DNAJC13: variants seen among roughly 807,000 people sequenced by gnomAD.
The protein encoded by DNAJC13 is DnaJ heat shock protein family (Hsp40) member C13.
DNAJC13 carries 75 observed loss-of-function variants against 290.5 expected under a neutral mutation model. The ratio of observed to expected loss-of-function variants is 0.26; its 90% CI spans 0.21 to 0.31. The LOEUF (loss-of-function observed/expected upper bound fraction) is 0.31, where lower values mean the gene tolerates loss of function less well. Ranked by LOEUF, DNAJC13 falls within the 10% of genes least tolerant of loss-of-function variation. The pLI is 1.00. For missense variants in DNAJC13, 2,260 were observed against 2,674.5 expected (o/e 0.85, Z 3.42); for synonymous variants, 862 against 892.0 (o/e 0.97, Z 0.60).
chr3:132,494,203 T>A lies in DNAJC13; in HGVS notation c.3885T>A (p.Pro1295=). ...AGAAAGAAGTAGAAAAGAAGCCACC[T>A]ATGATGTCAATAGATGATGCTTATG... The part of the protein sequence containing the change: ...AWKKEVEKKP[P]MMSIDDAYEV... Residue 1295 remains proline (P), a synonymous_variant, in exon 34 of 56, where the codon CCT becomes CCA. Coordinates refer to ENST00000260818, the MANE Select transcript of DNAJC13 (RefSeq NM_015268.4). 2 of 1,613,226 alleles carry A rather than the reference T, an allele frequency of 1.2e-6. No homozygotes were observed. The highest frequency in any genetic ancestry group is 1.7e-6 in the Non-Finnish European group (2 of 1,179,578).
Position 132,522,922 on chromosome 3 carries a change from A to G in DNAJC13, c.5768A>G (p.His1923Arg), listed in dbSNP as rs1936135644. The G allele has an allele frequency of 6.2e-7, 1 of 1,613,518 alleles. No individual in the cohort carries two copies. Among genetic ancestry groups the G allele is most frequent in the African/African-American group, 1.3e-5 (1 of 74,916 alleles). ...EAAVHIFEGTHENPELIWNDN... is the reference protein window; with the variant it reads ...EAAVHIFEGTRENPELIWNDN... The stretch of plus-strand genomic sequence containing the variant: ...GCTGTACATATTTTTGAAGGAACTC[A>G]TGAAAATCCTGAGTTAATTTGGAAT... The change falls in exon 49 of 56, where the codon CAT becomes CGT. Residue 1923 changes from histidine to arginine, a missense_variant. Coordinates refer to ENST00000260818, the MANE Select transcript of DNAJC13 (RefSeq NM_015268.4).
intron 20 of DNAJC13, among the ~76,000 whole-genome samples, chr3:132,470,155 C>T (rs1207981675): frequency 1.2e-5 from 1 of 85,948 alleles, no homozygotes; most frequent in African/African-American, 4.8e-5. Context: ...GTTTGTGTCC[C>T]TGATTACTTG....
chr3:132,470,963 G>A (rs1345740381), intron 20 of DNAJC13, among the ~76,000 whole-genome samples: 30 of 123,308 alleles, frequency 2.4e-4, no homozygotes, highest in African/African-American at 8.4e-4. Context: ...CAGTAGGGGC[G>A]GCCGGGCAGA....
At chr3:132,523,501 T>G in intron 50 of DNAJC13, 39 bp from the exon 51 acceptor site, 2 of 1,592,680 alleles carry the variant, frequency 1.3e-6, no homozygotes, top group Non-Finnish European at 1.7e-6. Context: ...GCTTCAAGAT[T>G]ATTAAGTGAC....
intron 44 of DNAJC13, 116 bp downstream of exon 44, chr3:132,511,360 A>T: frequency 8.3e-7 from 1 of 1,205,810 alleles, no homozygotes; most frequent in South Asian, 1.6e-5. Flanking sequence ...ATAATGTATT[A>T]ATATAACATT....
At chr3:132,532,665 G>A (rs1197619336) in intron 55 of DNAJC13, among the ~76,000 whole-genome samples, 4 of 151,472 alleles carry the variant, frequency 2.6e-5, no homozygotes, top group Admixed American at 2.6e-4. Flanking sequence ...CACATACCAC[G>A]TTTTCATGGC....
rs148911667 is a variant in DNAJC13, at chr3:132,434,272, G to C, written c.-13-266G>C. ...GTGGTGGCAGGAACCTGTAGTCCCA[G>C]CTACTTGGGAGGCTGACGCAGGAGA... On this transcript the variant is annotated intron_variant, in intron 1 of 55. Coordinates refer to ENST00000260818, the MANE Select transcript of DNAJC13 (RefSeq NM_015268.4). 0.016 allele frequency among the ~76,000 whole-genome samples: 2,428 copies of C among 151,084 alleles called. 73 individuals are homozygous for C. Among genetic ancestry groups the C allele is most frequent in the African/African-American group, 0.056 (2,296 of 41,078 alleles).
intron 48 of DNAJC13, among the ~76,000 whole-genome samples, chr3:132,518,737 G>T (rs1413441487): frequency 6.6e-6 from 1 of 152,036 alleles, no homozygotes; most frequent in Non-Finnish European, 1.5e-5. Context: ...CATATCTAGT[G>T]TACAATTCAG....
At chr3:132,500,732 T>G in intron 38 of DNAJC13, 62 bp from the exon 39 acceptor site, 3 of 1,598,856 alleles carry the variant, frequency 1.9e-6, no homozygotes, top group Non-Finnish European at 2.6e-6. Context: ...GATTTCTATG[T>G]GTTAAATAAG....
At chr3:132,483,663 A>T in intron 28 of DNAJC13, 86 bp downstream of exon 28, 2 of 1,359,732 alleles carry the variant, frequency 1.5e-6, no homozygotes, top group Non-Finnish European at 2.1e-6. Flanking sequence ...TAAAACAAAG[A>T]TGTCCTATTT....
chr3:132,496,655 A>T lies in DNAJC13; in HGVS notation c.4148A>T (p.His1383Leu). The T allele has an allele frequency of 1.2e-6, 2 of 1,606,936 alleles. No homozygotes were observed. The highest frequency in any genetic ancestry group is 2.7e-5 in the African/African-American group (2 of 74,714). ...ACACAGAGCATCCTCTTCAACCGTC[A>T]TAAAGAAGGTAAGATGTCTGTTCTC... ...LKTQSILFNRHKEDLQPYKYA... is the reference protein window; with the variant it reads ...LKTQSILFNRLKEDLQPYKYA... The change falls in exon 36 of 56, where the codon CAT becomes CTT. Residue 1383 changes from histidine (H) to leucine (L), a missense_variant. By Grantham distance (99) the His-to-Leu change is moderately conservative. This residue lies in a region of DNAJC13 where 1,494 missense variants were observed against 1,693.7 expected (regional missense o/e 0.88). Coordinates refer to ENST00000260818, the MANE Select transcript of DNAJC13 (RefSeq NM_015268.4).
At chr3:132,453,937 A>G (rs1933502877) in intron 8 of DNAJC13, 129 bp from the exon 9 acceptor site, 2 of 818,008 alleles carry the variant, frequency 2.4e-6, no homozygotes, top group African/African-American at 3.5e-5. Context: ...AAAGTTTTAA[A>G]CTCTTATATT....
chr3:132,514,101 C>G (rs2107734724), intron 45 of DNAJC13, among the ~76,000 whole-genome samples: 1 of 152,234 alleles, frequency 6.6e-6, no homozygotes, highest in East Asian at 1.9e-4. Flanking sequence ...ATATGTTGCA[C>G]TGAGACGCTG....
chr3:132,484,592 C>G lies in DNAJC13; in HGVS notation c.3187C>G (p.Gln1063Glu), dbSNP rs1210700556. ...ACGTGAGAAAATGTTTTCTAGGGAT[C>G]AAGACAATGCCATCATTCGGCCTCT... is the stretch of plus-strand genomic sequence containing the variant. ...TMCGYFPSRD[Q>E]DNAIIRPLPK... The change falls in exon 29 of 56, where the codon CAA becomes GAA. Residue 1063 changes from glutamine (Q) to glutamate (E), a missense_variant. This residue lies in a region of DNAJC13 where 1,494 missense variants were observed against 1,693.7 expected (regional missense o/e 0.88). Transcript: ENST00000260818. The G allele has an allele frequency of 6.2e-7, 1 of 1,613,844 alleles. No homozygotes were observed. Among genetic ancestry groups the G allele is most frequent in the Non-Finnish European group, 8.5e-7 (1 of 1,179,808 alleles).
chr3:132,535,720 T>A (rs1936572043), intron 55 of DNAJC13, among the ~76,000 whole-genome samples: 1 of 152,186 alleles, frequency 6.6e-6, no homozygotes, highest in Admixed American at 6.5e-5. Context: ...ATTTTCCATC[T>A]TTTCTCATTT....
In DNAJC13 at chr3:132,474,814, TC is replaced by T. The variant is rs35380727; in HGVS notation, c.2292-106del. ...TTTACTTACATTTGCTAAAATCTAT[TC>T]CCCCCCCCCCCTTTTTTTTTTTTTT... is the stretch of plus-strand genomic sequence containing the variant. On this transcript the variant is annotated intron_variant, in intron 21 of 55. Coordinates refer to ENST00000260818, the MANE Select transcript of DNAJC13 (RefSeq NM_015268.4). 0.058 allele frequency: 3,940 copies of T among 67,548 alleles called. 178 individuals carry two copies. Among genetic ancestry groups the T allele is most frequent in the Non-Finnish European group, 0.063 (2,450 of 38,668 alleles). The allele number at this position is 67,548 out of a possible 1,614,324, so 4.2% of individuals were successfully genotyped here. A position where few individuals can be genotyped will look rare whatever the true frequency, so the allele number is the denominator to read the frequency against.
chr3:132,514,702 A>G, intron 46 of DNAJC13, 32 bp downstream of exon 46: 1 of 1,491,886 alleles, frequency 6.7e-7, no homozygotes, highest in South Asian at 1.2e-5. Context: ...TGGAAACCAC[A>G]GCAAGATTAG....
rs927930441 is a variant in DNAJC13, at chr3:132,517,475, G to A, written c.5673+659G>A. On this transcript the variant is annotated intron_variant, in intron 48 of 55. Coordinates refer to ENST00000260818, the MANE Select transcript of DNAJC13 (RefSeq NM_015268.4). ...ACTCACTGAAGAGTCCTCTGTGCCTGCCCACAAAGCAGCCCCTTAGTCATA... is the reference window on the plus strand; with the variant it reads ...ACTCACTGAAGAGTCCTCTGTGCCTACCCACAAAGCAGCCCCTTAGTCATA... Among the ~76,000 whole-genome samples the A allele has an allele frequency of 4.6e-5, 7 of 152,236 alleles. No homozygotes were observed. In the South Asian group the frequency reaches 1.5e-3, roughly 32 times the overall value.
At chr3:132,472,635 T>G (rs1273313521) in intron 20 of DNAJC13, 1 of 964,524 alleles carries the variant, frequency 1.0e-6, no homozygotes, top group Non-Finnish European at 1.2e-6. Context: ...GGAGTCATCT[T>G]TGATATTCTC....
Sources: allele counts gnomAD v4.1 joint callset (sites outside exome capture counted in the v4.1 genomes callset), GRCh38; gene constraint gnomAD v4.1.1; regional missense constraint gnomAD v4.1.1; transcripts MANE v1.5; gene names NCBI Gene and HGNC (gene_info 2026-07-23, HGNC 2026-07-21).